Variants in SLC17A3 observed in about 807,000 individuals in gnomAD.
SLC17A3 encodes sodium-dependent phosphate transport protein 4.
Under a neutral mutation model 60.3 loss-of-function variants are expected in SLC17A3, and 61 were observed. The observed-to-expected ratio is 1.01, with a 90% CI of 0.82 to 1.25. SLC17A3 has a LOEUF of 1.25. SLC17A3 is among the 50% of genes most tolerant of loss of function. The pLI, the probability that SLC17A3 is intolerant of heterozygous loss-of-function variation, is 0.00. For missense variants in SLC17A3, 624 were observed against 594.9 expected (o/e 1.05, Z -0.51); for synonymous variants, 192 against 208.9 (o/e 0.92, Z 0.70).
intron 5 of SLC17A3, 49 bp downstream of exon 5, chr6:25,861,575 T>C (rs771182088): frequency 6.8e-7 from 1 of 1,473,466 alleles, no homozygotes; most frequent in East Asian, 2.3e-5. Flanking sequence ...AGGAACCCAG[T>C]GGGAAAATGT....
chr6:25,864,262 A>G (rs754771701), intron 2 of SLC17A3, among the ~76,000 whole-genome samples: 1 of 151,968 alleles, frequency 6.6e-6, no homozygotes, highest in Non-Finnish European at 1.5e-5. Context: ...GGGCCATTGC[A>G]GGTACTTTGG....
At chr6:25,859,056 C>G (rs890205140) in intron 5 of SLC17A3, among the ~76,000 whole-genome samples, 3 of 152,006 alleles carry the variant, frequency 2.0e-5, no homozygotes, top group Non-Finnish European at 4.4e-5. Flanking sequence ...AATAAATTCA[C>G]CTTATAAGAC....
In SLC17A3 at chr6:25,850,638, G is replaced by T. The variant is rs1765259706; in HGVS notation, c.832-18C>A. The T allele has an allele frequency of 6.2e-7, 1 of 1,613,814 alleles. No homozygotes were observed. The highest frequency in any genetic ancestry group is 1.3e-5 in the African/African-American group (1 of 75,016). ...GACCCGACCTGAAAACAAATTTACT[G>T]GTCATAACGGTAAATCCGACAGATG... On this transcript the variant is annotated intron_variant, in intron 7 of 12. Transcript: ENST00000397060.
At chr6:25,860,093 A>G (rs1019123385) in intron 5 of SLC17A3, among the ~76,000 whole-genome samples, 7 of 152,154 alleles carry the variant, frequency 4.6e-5, no homozygotes, top group African/African-American at 1.7e-4. Flanking sequence ...ATGCAGCTAC[A>G]GTTTCTTCAT....
intron 6 of SLC17A3, among the ~76,000 whole-genome samples, chr6:25,851,262 T>C (rs1235058775): frequency 6.6e-6 from 1 of 152,014 alleles, no homozygotes; most frequent in Non-Finnish European, 1.5e-5. Flanking sequence ...TTTTGGTTTT[T>C]TATTATTGAG....
In SLC17A3 at chr6:25,862,048, G is replaced by A; in HGVS notation, c.304-19C>T. ...CAGGAGCCTTAGAGAAACAGAGAAT[G>A]CTGTAGTAAACCTTACACAAAAAGG... On this transcript the variant is annotated intron_variant, in intron 3 of 12. Coordinates refer to ENST00000397060, the MANE Select transcript of SLC17A3 (RefSeq NM_001098486.2). 6.4e-7 allele frequency: 1 copy of A among 1,566,826 alleles called. No individual in the cohort carries two copies. Among genetic ancestry groups the A allele is most frequent in the Admixed American group, 1.8e-5 (1 of 54,942 alleles).
At chr6:25,871,071 G>A (rs1765632774) in intron 1 of SLC17A3, among the ~76,000 whole-genome samples, 2 of 152,182 alleles carry the variant, frequency 1.3e-5, no homozygotes, top group South Asian at 2.1e-4. Flanking sequence ...CATTGTGGAA[G>A]TCAGTGTGGC....
chr6:25,860,310 C>T (rs1765426050), intron 5 of SLC17A3, among the ~76,000 whole-genome samples: 1 of 152,092 alleles, frequency 6.6e-6, no homozygotes, highest in African/African-American at 2.4e-5. Context: ...AGACAGTACA[C>T]CGTGTCCTAG....
chr6:25,866,834 T>G (rs1381522253), intron 2 of SLC17A3, among the ~76,000 whole-genome samples: 1 of 152,026 alleles, frequency 6.6e-6, no homozygotes, highest in African/African-American at 2.4e-5. Flanking sequence ...TAATTAGTAC[T>G]GCTAAGATAA....
intron 6 of SLC17A3, among the ~76,000 whole-genome samples, chr6:25,853,470 C>T (rs541186340): frequency 1.0e-3 from 124 of 120,262 alleles, no homozygotes; most frequent in Middle Eastern, 7.8e-3. Flanking sequence ...GGTTGGAGTG[C>T]AGTGGTGCGA....
rs1581517151 is a variant in SLC17A3, at chr6:25,845,433, T to C, written c.1446A>G (p.Gly482=). The part of the protein sequence containing the change: ...LLGLLFYLIF[G]EADVQEWAKE... ...TAGCCCATTCTTGGACATCTGCTTC[T>C]CCAAATATGAGGTAGAAGAGTAGTC... Residue 482 remains glycine, a synonymous_variant, in exon 12 of 13, where the codon GGA becomes GGG. Coordinates refer to ENST00000397060, the MANE Select transcript of SLC17A3 (RefSeq NM_001098486.2). 2 of 1,614,018 alleles carry C rather than the reference T, an allele frequency of 1.2e-6. No homozygotes were observed. The highest frequency in any genetic ancestry group is 1.7e-6 in the Non-Finnish European group (2 of 1,179,934).
At chr6:25,863,173 A>C (rs988377889) in intron 2 of SLC17A3, among the ~76,000 whole-genome samples, 1 of 152,112 alleles carries the variant, frequency 6.6e-6, no homozygotes, top group Non-Finnish European at 1.5e-5. Context: ...TAAATTGTCC[A>C]AAAAATGTAG....
chr6:25,862,463 C>CATA lies in SLC17A3; in HGVS notation c.92-22_92-20dup. 1 of 1,575,506 alleles carries CATA rather than the reference C, an allele frequency of 6.3e-7. No individual in the cohort carries two copies. Among genetic ancestry groups the CATA allele is most frequent in the Non-Finnish European group, 8.7e-7 (1 of 1,145,082 alleles). On this transcript the variant is annotated intron_variant, in intron 2 of 12. Coordinates refer to ENST00000397060, the MANE Select transcript of SLC17A3 (RefSeq NM_001098486.2). ...CTTGGAACTGGAAATATTATGACAT[C>CATA]ATATTAGTGTTTTTTAAAATTGAGC...
At chr6:25,856,949 C>T (rs954893484) in intron 5 of SLC17A3, among the ~76,000 whole-genome samples, 24 of 151,696 alleles carry the variant, frequency 1.6e-4, no homozygotes, top group South Asian at 4.2e-4. Context: ...TTTGGGAGGC[C>T]GAGGTGGGAA....
intron 11 of SLC17A3, among the ~76,000 whole-genome samples, chr6:25,847,536 A>C (rs190491427): frequency 6.6e-6 from 1 of 152,214 alleles, no homozygotes; most frequent in Non-Finnish European, 1.5e-5. Context: ...CCAACAGTGT[A>C]TAAGCGTTCC....
intron 2 of SLC17A3, 126 bp downstream of exon 2, chr6:25,868,171 T>C: frequency 2.6e-6 from 2 of 756,292 alleles, no homozygotes; most frequent in Non-Finnish European, 2.3e-6. Flanking sequence ...CAAAATATGT[T>C]AATTTCACTG....
At chr6:25,860,035 C>T (rs1765421927) in intron 5 of SLC17A3, among the ~76,000 whole-genome samples, 1 of 152,090 alleles carries the variant, frequency 6.6e-6, no homozygotes, top group Non-Finnish European at 1.5e-5. Context: ...GATAGATGTG[C>T]TTTATTCATA....
At chr6:25,871,262 G>A (rs958036912) in intron 1 of SLC17A3, among the ~76,000 whole-genome samples, 22 of 151,976 alleles carry the variant, frequency 1.4e-4, no homozygotes, top group African/African-American at 5.3e-4. Context: ...ATGACAGACT[G>A]GATTAAGAAA....
chr6:25,849,360 C>A lies in SLC17A3; in HGVS notation c.1362+14G>T. 1 of 1,516,756 alleles carries A rather than the reference C, an allele frequency of 6.6e-7. No homozygotes were observed. The highest frequency in any genetic ancestry group is 9.2e-7 in the Non-Finnish European group (1 of 1,092,596). The allele number at this position is 1,516,756 out of a possible 1,614,324, so 94.0% of individuals were successfully genotyped here. A position where few individuals can be genotyped will look rare whatever the true frequency, so the allele number is the denominator to read the frequency against. Reference sequence around the variant, plus strand: ...AGAGCATCTTTGGAGTCCTTCATGACAAAAAAATTGTACCTGACTAAGAAG... The same window carrying A: ...AGAGCATCTTTGGAGTCCTTCATGAAAAAAAAATTGTACCTGACTAAGAAG... On this transcript the variant is annotated intron_variant, in intron 11 of 12. Transcript: ENST00000397060.
Sources: gnomAD v4.1 joint callset for allele counts (sites outside exome capture counted in the v4.1 genomes callset) on GRCh38, gnomAD v4.1.1 for gene constraint, MANE v1.5 for transcripts, NCBI Gene and HGNC (gene_info 2026-07-23, HGNC 2026-07-21) for gene names.